Variants in IQUB observed in about 807,000 individuals in gnomAD.
The protein encoded by IQUB is IQ motif and ubiquitin domain containing.
A neutral mutation model predicts 86.4 loss-of-function variants in IQUB; 86 were observed. That is an observed-to-expected ratio of 1.00 (90% CI 0.84 to 1.19). The LOEUF (loss-of-function observed/expected upper bound fraction) is 1.19, where lower values mean the gene tolerates loss of function less well. Ranked by LOEUF, IQUB falls within the 50% of genes most tolerant of loss-of-function variation. The probability of loss-of-function intolerance (pLI) is 0.00; values close to 1 mark genes in which losing one functional copy is unlikely to be tolerated. For missense variants in IQUB, 946 were observed against 916.9 expected (o/e 1.03, Z -0.41); for synonymous variants, 289 against 304.5 (o/e 0.95, Z 0.53).
At chr7:123,493,199 T>C (rs1795550724) in intron 7 of IQUB, among the ~76,000 whole-genome samples, 1 of 152,100 alleles carries the variant, frequency 6.6e-6, no homozygotes, top group African/African-American at 2.4e-5. Context: ...ACAGGGAACA[T>C]TTCCAAGCTC....
intron 6 of IQUB, among the ~76,000 whole-genome samples, chr7:123,500,839 A>C (rs920037352): frequency 1.3e-5 from 2 of 152,076 alleles, no homozygotes; most frequent in East Asian, 3.9e-4. Flanking sequence ...AAAAAAAAAC[A>C]CAACTCACAT....
intron 1 of IQUB, among the ~76,000 whole-genome samples, chr7:123,517,170 C>A (rs1051239354): frequency 6.6e-6 from 1 of 152,168 alleles, no homozygotes; most frequent in Admixed American, 6.5e-5. Context: ...TATGCCTAAC[C>A]TTTGCCTTGG....
At chr7:123,511,915 T>C (rs368217864) in intron 2 of IQUB, 29 bp downstream of exon 2, 21 of 1,467,498 alleles carry the variant, frequency 1.4e-5, no homozygotes, top group Admixed American at 4.6e-5. Flanking sequence ...AATGAGAAAA[T>C]GAAATAGCCT....
At chr7:123,472,840 T>C (rs1794592871) in intron 8 of IQUB, among the ~76,000 whole-genome samples, 1 of 152,222 alleles carries the variant, frequency 6.6e-6, no homozygotes, top group African/African-American at 2.4e-5. Context: ...CTCTTCCTTA[T>C]TTCCTTTTTT....
chr7:123,523,895 G>C (rs955572422), intron 1 of IQUB, among the ~76,000 whole-genome samples: 3 of 152,112 alleles, frequency 2.0e-5, no homozygotes, highest in African/African-American at 7.2e-5. Context: ...GTGTAAGGAA[G>C]GGATCCAGTT....
At chr7:123,525,418 G>A (rs28820020) in intron 1 of IQUB, among the ~76,000 whole-genome samples, 1 of 151,812 alleles carries the variant, frequency 6.6e-6, no homozygotes, top group Admixed American at 6.6e-5. Context: ...CTTCTTCCTG[G>A]TTTAGTCTTG....
intron 7 of IQUB, among the ~76,000 whole-genome samples, chr7:123,485,772 G>A (rs1250503835): frequency 2.6e-5 from 4 of 152,154 alleles, no homozygotes; most frequent in Non-Finnish European, 5.9e-5. Flanking sequence ...TCTCATCACA[G>A]ACTAGAAGTC....
chr7:123,468,917 A>C (rs1355709868), intron 9 of IQUB, among the ~76,000 whole-genome samples: 2 of 152,232 alleles, frequency 1.3e-5, no homozygotes, highest in Non-Finnish European at 2.9e-5. Context: ...TCAATTTTTC[A>C]CTGAAAAATG....
intron 12 of IQUB, among the ~76,000 whole-genome samples, chr7:123,454,308 G>GAGAT (rs1326347833): frequency 6.6e-6 from 1 of 151,964 alleles, no homozygotes. Flanking sequence ...TATTAAAGAT[G>GAGAT]AGATAAATTA....
rs778094428 is a variant in IQUB at position 123,452,816 on chromosome 7, A to C, written c.2303T>G (p.Ile768Ser). Reference sequence around the variant, plus strand: ...GTGATACTTCCATCTGATCTCATCAATTTCACCATCATCAAGTATAAATGA... The same window carrying C: ...GTGATACTTCCATCTGATCTCATCACTTTCACCATCATCAAGTATAAATGA... ...LASFILDDGE[I>S]DEIRWKYHSD... Residue 768 changes from isoleucine (I) to serine (S), a missense_variant, in exon 13 of 13, where the codon ATT (isoleucine) becomes AGT (serine). Ile to Ser is a moderately radical substitution (Grantham distance 142, BLOSUM62 -2). Transcript: ENST00000324698. The C allele has an allele frequency of 2.5e-6, 4 of 1,613,728 alleles. No homozygotes were observed. The East Asian group carries it at 8.9e-5, about 36-fold the overall frequency.
At chr7:123,485,226 T>C (rs889963093) in intron 7 of IQUB, among the ~76,000 whole-genome samples, 38 of 152,278 alleles carry the variant, frequency 2.5e-4, no homozygotes, top group African/African-American at 8.7e-4. Context: ...TGGTTTCTTC[T>C]GAGGGCTTCT....
intron 10 of IQUB, 96 bp from the exon 11 acceptor site, chr7:123,461,701 T>TATC (rs2116970462): frequency 1.9e-6 from 2 of 1,066,450 alleles, no homozygotes; most frequent in South Asian, 2.9e-5. Context: ...CTAACTTACT[T>TATC]ATCTTAGAAT....
At chr7:123,471,069 C>A (rs1168443521) in intron 8 of IQUB, among the ~76,000 whole-genome samples, 1 of 152,078 alleles carries the variant, frequency 6.6e-6, no homozygotes, top group Admixed American at 6.6e-5. Flanking sequence ...AGGTAGGAAT[C>A]TTCATCAGAA....
chr7:123,461,711 T>C, intron 10 of IQUB, 106 bp from the exon 11 acceptor site: 1 of 1,015,504 alleles, frequency 9.8e-7, no homozygotes, highest in Non-Finnish European at 1.3e-6. Flanking sequence ...TATCTTAGAA[T>C]GAGATTTAAA....
chr7:123,534,153 G>C (rs1486118347), intron 1 of IQUB, among the ~76,000 whole-genome samples: 2 of 152,140 alleles, frequency 1.3e-5, no homozygotes, highest in East Asian at 1.9e-4. Flanking sequence ...GGAAGGCTAA[G>C]AGTCTCTAGT....
chr7:123,480,983 A>C (rs1397485766), intron 7 of IQUB, among the ~76,000 whole-genome samples: 1 of 152,134 alleles, frequency 6.6e-6, no homozygotes, highest in Non-Finnish European at 1.5e-5. Flanking sequence ...ACATATACTA[A>C]ATTTGGAAAA....
At chr7:123,460,409 C>CT (rs36004403) in intron 11 of IQUB, among the ~76,000 whole-genome samples, 3 of 151,568 alleles carry the variant, frequency 2.0e-5, no homozygotes, top group Non-Finnish European at 2.9e-5. Flanking sequence ...CATTTGGTAT[C>CT]TTTTTTTTAA....
Position 123,503,343 on chromosome 7 carries a change from C to A in IQUB, c.553G>T (p.Glu185Ter). 6.6e-7 allele frequency: 1 copy of A among 1,518,482 alleles called. No homozygotes were observed. The highest frequency in any genetic ancestry group is 8.9e-7 in the Non-Finnish European group (1 of 1,129,448). 94.1% of individuals were successfully genotyped at this position (1,518,482 alleles called of 1,614,324 possible). A position where few individuals can be genotyped will look rare whatever the true frequency, so the allele number is the denominator to read the frequency against. Residue 185 changes from glutamate to a stop codon, truncating the protein, a stop_gained, in exon 4 of 13, where the codon GAG becomes TAG. Transcript: ENST00000324698. LOFTEE classifies it high-confidence loss of function. ...RYSGKILKNN[E>*]TLVQHGVKPQ... The stretch of plus-strand genomic sequence containing the variant: ...TTAACTCCATGTTGTACTAGAGTCT[C>A]ATTATTTTTAAGAATTTTTCCTAAA...
intron 7 of IQUB, among the ~76,000 whole-genome samples, chr7:123,493,774 T>TGTGTGTGTGTGC (rs1449280726): frequency 6.9e-6 from 1 of 144,742 alleles, no homozygotes; most frequent in Admixed American, 6.9e-5. Context: ...TGTGTGTGTG[T>TGTGTGTGTGTGC]GCATGTGTGT....
Sources: allele counts gnomAD v4.1 joint callset (sites outside exome capture counted in the v4.1 genomes callset), GRCh38; gene constraint gnomAD v4.1.1; transcripts MANE v1.5; gene names NCBI Gene and HGNC (gene_info 2026-07-23, HGNC 2026-07-21).